COL4A1: variants seen among roughly 807,000 people sequenced by gnomAD.
COL4A1 encodes collagen alpha-1(IV) chain.
A neutral mutation model predicts 216.6 loss-of-function variants in COL4A1; 40 were observed. The ratio of observed to expected loss-of-function variants is 0.18; its 90% CI spans 0.14 to 0.24. COL4A1 has a LOEUF of 0.24. Among genes scored for constraint, COL4A1 ranks in the 10% least tolerant of loss-of-function variants. COL4A1 has a pLI of 1.00. For synonymous variants in COL4A1, 839 were observed against 810.7 expected (o/e 1.03, Z -0.59); for missense variants, 1,628 against 2,196.8 (o/e 0.74, Z 5.18).
intron 15 of COL4A1, among the ~76,000 whole-genome samples, chr13:110,205,810 C>A (rs890449118): frequency 2.0e-5 from 3 of 151,752 alleles, no homozygotes; most frequent in African/African-American, 7.3e-5. Context: ...TTGCAGTGAG[C>A]CGAGATCACA....
chr13:110,248,032 C>T (rs1306114190), intron 1 of COL4A1, among the ~76,000 whole-genome samples: 2 of 152,096 alleles, frequency 1.3e-5, no homozygotes, highest in East Asian at 3.9e-4. Flanking sequence ...ATGTGTTTCA[C>T]ATCCCACCAA....
At chr13:110,288,672 C>T (rs1883947105) in intron 1 of COL4A1, among the ~76,000 whole-genome samples, 2 of 152,208 alleles carry the variant, frequency 1.3e-5, no homozygotes, top group African/African-American at 4.8e-5. Flanking sequence ...TCTTATCCCT[C>T]CCATGTCCTT....
chr13:110,302,259 G>A (rs895118930), intron 1 of COL4A1, among the ~76,000 whole-genome samples: 1 of 152,188 alleles, frequency 6.6e-6, no homozygotes, highest in South Asian at 2.1e-4. Context: ...TGGCAGAGTC[G>A]GGAAGGGTTG....
At chr13:110,222,416 G>C (rs1447608522) in intron 2 of COL4A1, among the ~76,000 whole-genome samples, 1 of 152,122 alleles carries the variant, frequency 6.6e-6, no homozygotes, top group East Asian at 1.9e-4. Flanking sequence ...CCACTAGAGG[G>C]AGCTCTGGGA....
chr13:110,205,559 C>A (rs200136092), intron 15 of COL4A1, 21 bp from the exon 16 acceptor site: 1 of 1,612,714 alleles, frequency 6.2e-7, no homozygotes, highest in South Asian at 1.1e-5. Context: ...AAGATGTAAA[C>A]GTTAGTATTT....
At chr13:110,277,157 T>A (rs1594110819) in intron 1 of COL4A1, among the ~76,000 whole-genome samples, 1 of 152,332 alleles carries the variant, frequency 6.6e-6, no homozygotes, top group South Asian at 2.1e-4. Context: ...ACCATATAAT[T>A]TATCAATACG....
intron 24 of COL4A1, chr13:110,191,582 T>G (rs1457717632): frequency 1.5e-6 from 1 of 647,384 alleles, no homozygotes; most frequent in East Asian, 2.8e-5. Context: ...GAAGCTGGTA[T>G]TTTGTTCCAT....
intron 1 of COL4A1, among the ~76,000 whole-genome samples, chr13:110,287,605 C>T (rs887832175): frequency 2.0e-5 from 3 of 152,222 alleles, no homozygotes; most frequent in African/African-American, 7.2e-5. Flanking sequence ...GAGCAGAATG[C>T]TCACCCTGCT....
intron 1 of COL4A1, among the ~76,000 whole-genome samples, chr13:110,278,847 T>A (rs2139297733): frequency 6.6e-6 from 1 of 152,304 alleles, no homozygotes; most frequent in South Asian, 2.1e-4. Flanking sequence ...TGGGTACATA[T>A]ATGCTACCTT....
chr13:110,239,694 C>T (rs558816216), intron 2 of COL4A1, among the ~76,000 whole-genome samples: 1 of 152,208 alleles, frequency 6.6e-6, no homozygotes, highest in Non-Finnish European at 1.5e-5. Flanking sequence ...AGGGCTGGGA[C>T]GCTCTGAATA....
intron 1 of COL4A1, among the ~76,000 whole-genome samples, chr13:110,281,389 T>C (rs774663750): frequency 1.3e-5 from 2 of 152,162 alleles, no homozygotes; most frequent in South Asian, 4.1e-4. Flanking sequence ...AAATACTTTA[T>C]GAACAGTAAT....
At chr13:110,274,252 C>T (rs547050536) in intron 1 of COL4A1, among the ~76,000 whole-genome samples, 3 of 152,204 alleles carry the variant, frequency 2.0e-5, no homozygotes, top group East Asian at 1.9e-4. Context: ...TTCTCTAATA[C>T]GTCGTATGTA....
intron 1 of COL4A1, among the ~76,000 whole-genome samples, chr13:110,244,654 G>C (rs978577022): frequency 6.6e-6 from 1 of 152,066 alleles, no homozygotes; most frequent in Non-Finnish European, 1.5e-5. Flanking sequence ...TGGCTCCTGC[G>C]AATTGCTGAC....
At chr13:110,181,744 G>C (rs641626) in intron 28 of COL4A1, among the ~76,000 whole-genome samples, 4,524 of 152,158 alleles carry the variant, frequency 0.03, 193 homozygotes, top group African/African-American at 0.1. Context: ...GGTGTGGTTG[G>C]GGGGGCAGGT....
intron 2 of COL4A1, among the ~76,000 whole-genome samples, chr13:110,223,937 G>A (rs571556729): frequency 6.6e-6 from 1 of 152,184 alleles, no homozygotes; most frequent in African/African-American, 2.4e-5. Flanking sequence ...CTAACCCAGG[G>A]CAGGGGCTGA....
intron 1 of COL4A1, among the ~76,000 whole-genome samples, chr13:110,243,203 C>G (rs1012756111): frequency 6.6e-6 from 1 of 152,078 alleles, no homozygotes; most frequent in African/African-American, 2.4e-5. Flanking sequence ...TTGTACAGAA[C>G]AGAATAAAGG....
chr13:110,162,159 T>A, intron 48 of COL4A1, 71 bp downstream of exon 48: 1 of 1,365,850 alleles, frequency 7.3e-7, no homozygotes, highest in Non-Finnish European at 1.0e-6. Flanking sequence ...CAGAGGCGAG[T>A]CCAGCACTGC....
At chr13:110,288,262 CAAAAAA>C (rs67261918) in intron 1 of COL4A1, among the ~76,000 whole-genome samples, 1 of 144,916 alleles carries the variant, frequency 6.9e-6, no homozygotes, top group Non-Finnish European at 1.5e-5. Flanking sequence ...AACTCCCTCT[CAAAAAA>C]AAAAAAAATA....
chr13:110,263,485 G>A (rs534499373), intron 1 of COL4A1, among the ~76,000 whole-genome samples: 27 of 152,214 alleles, frequency 1.8e-4, no homozygotes, highest in African/African-American at 5.5e-4. Context: ...ATGGGATCTC[G>A]CTCTGTTGCC....
Sources: allele counts gnomAD v4.1 joint callset (sites outside exome capture counted in the v4.1 genomes callset), GRCh38; gene constraint gnomAD v4.1.1; transcripts MANE v1.5; gene names NCBI Gene and HGNC (gene_info 2026-07-23, HGNC 2026-07-21).